Variants in ARHGAP5 observed in about 807,000 individuals in gnomAD.
The protein encoded by ARHGAP5 is Rho GTPase activating protein 5.
In ARHGAP5, 23 loss-of-function variants were observed where a neutral mutation model predicts 116.6. That is an observed-to-expected ratio of 0.20 (90% confidence interval 0.14 to 0.28). The LOEUF (loss-of-function observed/expected upper bound fraction) is 0.28. Ranked by LOEUF, ARHGAP5 falls within the 10% of genes least tolerant of loss-of-function variation. The probability of loss-of-function intolerance (pLI) is 1.00; values close to 1 mark genes in which losing one functional copy is unlikely to be tolerated. For synonymous variants in ARHGAP5, 574 were observed against 602.0 expected (o/e 0.95, Z 0.68); for missense variants, 1,405 against 1,774.8 (o/e 0.79, Z 3.74).
chr14:32,109,825 C>T (rs1391499795), intron 2 of ARHGAP5, among the ~76,000 whole-genome samples: 2 of 152,112 alleles, frequency 1.3e-5, no homozygotes, highest in African/African-American at 4.8e-5. Flanking sequence ...ACATGTTTCC[C>T]GTGAACATTC....
intron 2 of ARHGAP5, among the ~76,000 whole-genome samples, chr14:32,096,542 A>G (rs1472931962): frequency 6.6e-6 from 1 of 152,252 alleles, no homozygotes; most frequent in African/African-American, 2.4e-5. Flanking sequence ...AGAGAATACT[A>G]TCAACAATTC....
chr14:32,109,026 T>A (rs1879155797), intron 2 of ARHGAP5, among the ~76,000 whole-genome samples: 2 of 152,158 alleles, frequency 1.3e-5, no homozygotes, highest in Non-Finnish European at 2.9e-5. Context: ...ATAGATTGAA[T>A]TCTAGATCAT....
chr14:32,111,234 A>T (rs117117348), intron 2 of ARHGAP5, among the ~76,000 whole-genome samples: 110 of 152,350 alleles, frequency 7.2e-4, no homozygotes, highest in Non-Finnish European at 1.2e-3. Flanking sequence ...ACTGCACTAC[A>T]GCTTGAGTAC....
At chr14:32,100,203 A>G (rs916920953) in intron 2 of ARHGAP5, among the ~76,000 whole-genome samples, 2 of 152,160 alleles carry the variant, frequency 1.3e-5, no homozygotes, top group Non-Finnish European at 2.9e-5. Flanking sequence ...AATAACAAAA[A>G]TGGATATTTA....
At chr14:32,146,940 A>G (rs760103373) in intron 4 of ARHGAP5, among the ~76,000 whole-genome samples, 13 of 152,166 alleles carry the variant, frequency 8.5e-5, no homozygotes, top group Non-Finnish European at 7.4e-5. Flanking sequence ...TGGAGCATAT[A>G]CTCCGAGTTT....
At chr14:32,109,868 G>A (rs565701864) in intron 2 of ARHGAP5, among the ~76,000 whole-genome samples, 56 of 152,082 alleles carry the variant, frequency 3.7e-4, no homozygotes, top group African/African-American at 1.2e-3. Flanking sequence ...CCAGTTTTCC[G>A]GAGAACTCTG....
intron 2 of ARHGAP5, among the ~76,000 whole-genome samples, chr14:32,097,375 T>C (rs1335473749): frequency 6.6e-6 from 1 of 152,038 alleles, no homozygotes; most frequent in Non-Finnish European, 1.5e-5. Context: ...ACAAACTAAA[T>C]GAGAAAAAAT....
At chr14:32,151,746 C>T (rs1023613545) in intron 5 of ARHGAP5, among the ~76,000 whole-genome samples, 2 of 152,184 alleles carry the variant, frequency 1.3e-5, no homozygotes, top group Non-Finnish European at 2.9e-5. Context: ...AAGAGCCTAA[C>T]ATATTTATAA....
rs887169254 is a variant in ARHGAP5 at position 32,081,797 on chromosome 14, T to C, written c.-169+4362T>C. ...TTTTCTTTCTGTTGATCATGTTCTT[T>C]TACTGATTCAAAATTGTTTCTTTTT... On this transcript the variant is annotated intron_variant, in intron 1 of 6. Transcript: ENST00000345122. Among the ~76,000 whole-genome samples the C allele has an allele frequency of 4.6e-5, 7 of 152,308 alleles. No homozygotes were observed. The South Asian group carries it at 1.4e-3, about 32-fold the overall frequency.
intron 3 of ARHGAP5, among the ~76,000 whole-genome samples, chr14:32,118,173 C>T (rs1372791138): frequency 6.6e-6 from 1 of 152,142 alleles, no homozygotes; most frequent in Non-Finnish European, 1.5e-5. Context: ...ATTGAGTTAT[C>T]TATTTGGTAA....
chr14:32,136,193 A>G (rs1299587240), intron 3 of ARHGAP5, among the ~76,000 whole-genome samples: 2 of 152,230 alleles, frequency 1.3e-5, no homozygotes, highest in Non-Finnish European at 2.9e-5. Flanking sequence ...GGCATTTAGT[A>G]TATTCACAAT....
At chr14:32,130,043 A>C (rs1291397161) in intron 3 of ARHGAP5, among the ~76,000 whole-genome samples, 1 of 151,934 alleles carries the variant, frequency 6.6e-6, no homozygotes, top group African/African-American at 2.4e-5. Context: ...AGCCTGGGTA[A>C]CAGAGTGAGA....
chr14:32,146,512 G>A, intron 4 of ARHGAP5, among the ~76,000 whole-genome samples, 172 bp downstream of exon 4: 1 of 152,096 alleles, frequency 6.6e-6, no homozygotes, highest in East Asian at 1.9e-4. Context: ...CACAGTAAAG[G>A]TACAAAACAG....
At chr14:32,082,452 A>G (rs1472247687) in intron 1 of ARHGAP5, among the ~76,000 whole-genome samples, 1 of 152,234 alleles carries the variant, frequency 6.6e-6, no homozygotes, top group Non-Finnish European at 1.5e-5. Context: ...TTTTTCATTA[A>G]GAAACACTGG....
intron 3 of ARHGAP5, among the ~76,000 whole-genome samples, chr14:32,132,885 CAG>C (rs1409315706): frequency 6.6e-6 from 1 of 151,872 alleles, no homozygotes; most frequent in Non-Finnish European, 1.5e-5. Context: ...TGTCAAAGAT[CAG>C]ATAGTTGTAG....
chr14:32,133,860 G>A (rs1418671753), intron 3 of ARHGAP5, among the ~76,000 whole-genome samples: 2 of 152,042 alleles, frequency 1.3e-5, no homozygotes, highest in Non-Finnish European at 2.9e-5. Flanking sequence ...TTTGTCTTTG[G>A]TTCTGTTTAT....
In ARHGAP5 at chr14:32,077,369, TCGCTGCCGCCGCCACCGCCGGGGC is replaced by T; in HGVS notation, c.-226_-203del. ...GCGGCGGGAGCGGTCCCCAGGAATG[TCGCTGCCGCCGCCACCGCCGGGGC>T]CGCTGCCGTTGAGGAGGAGACGGAG... is the stretch of plus-strand genomic sequence containing the variant. On this transcript the variant is annotated 5_prime_UTR_variant, in exon 1 of 7. Transcript: ENST00000345122. 1 of 620,988 alleles carries T rather than the reference TCGCTGCCGCCGCCACCGCCGGGGC, an allele frequency of 1.6e-6. No individual in the cohort carries two copies. The allele number at this position is 620,988 out of a possible 1,614,324, so 38.5% of individuals were successfully genotyped here. A position where few individuals can be genotyped will look rare whatever the true frequency, so the allele number is the denominator to read the frequency against.
At position 32,155,845 on chromosome 14, in the gene ARHGAP5, A is replaced by G. The variant is rs555677012; in HGVS notation, c.*897A>G. ...CCATGACATTTTCATATAAGGTTAT[A>G]TAACTTTTCATACATAAACATGAAA... On this transcript the variant is annotated 3_prime_UTR_variant, in exon 7 of 7. Coordinates refer to ENST00000345122, the MANE Select transcript of ARHGAP5 (RefSeq NM_001030055.2). The G allele has an allele frequency of 1.0e-4, 16 of 152,708 alleles. No individual in the cohort carries two copies. In the East Asian group the frequency reaches 1.2e-3, roughly 11 times the overall value. 9.5% of individuals were successfully genotyped at this position (152,708 alleles called of 1,614,324 possible).
rs138543554 is a variant in ARHGAP5 at position 32,152,443 on chromosome 14, C to T, written c.4096C>T (p.Arg1366Cys). Residue 1366 changes from arginine (R) to cysteine (C), a missense_variant, in exon 6 of 7, where the codon CGT becomes TGT. Coordinates refer to ENST00000345122, the MANE Select transcript of ARHGAP5 (RefSeq NM_001030055.2). ...EAAKIPDKTE[R>C]LHALKEIVKK... ...TACAGAAATCCCGGATAAAACAGAA[C>T]GTCTTCATGCCTTGAAAGAAATTGT... The T allele has an allele frequency of 5.6e-6, 9 of 1,604,086 alleles. No homozygotes were observed. The highest frequency in any genetic ancestry group is 4.5e-5 in the South Asian group (4 of 88,772).
Sources: gnomAD v4.1 joint callset for allele counts (sites outside exome capture counted in the v4.1 genomes callset) on GRCh38, gnomAD v4.1.1 for gene constraint, MANE v1.5 for transcripts, NCBI Gene and HGNC (gene_info 2026-07-23, HGNC 2026-07-21) for gene names.